Variants in SNAP25 observed in about 807,000 individuals in gnomAD.
SNAP25 encodes the protein synaptosomal-associated protein 25.
A neutral mutation model predicts 28.7 loss-of-function variants in SNAP25; 3 were observed. The observed-to-expected ratio is 0.10, with a 90% CI of 0.05 to 0.27. SNAP25 has a LOEUF of 0.27. SNAP25 is among the 10% of genes least tolerant of loss of function. The pLI is 1.00. For synonymous variants in SNAP25, 61 were observed against 88.1 expected (o/e 0.69, Z 1.72); for missense variants, 117 against 278.7 (o/e 0.42, Z 4.13).
At chr20:10,239,488 C>T (rs2062985933) in intron 1 of SNAP25, among the ~76,000 whole-genome samples, 1 of 152,234 alleles carries the variant, frequency 6.6e-6, no homozygotes, top group African/African-American at 2.4e-5. Context: ...TCTTTTTAAA[C>T]TACAAAGTAG....
intron 2 of SNAP25, among the ~76,000 whole-genome samples, chr20:10,276,802 CA>C (rs1184174860): frequency 6.6e-6 from 1 of 152,138 alleles, no homozygotes; most frequent in Admixed American, 6.6e-5. Context: ...TCCTTTATAT[CA>C]GTAAAATAAT....
At chr20:10,304,360 C>CA (rs1456114262) in intron 7 of SNAP25, among the ~76,000 whole-genome samples, 2 of 152,084 alleles carry the variant, frequency 1.3e-5, no homozygotes, top group Non-Finnish European at 2.9e-5. Context: ...AGGGTGTCAA[C>CA]CCCCATGCAG....
At chr20:10,261,031 A>G (rs1021275719) in intron 1 of SNAP25, among the ~76,000 whole-genome samples, 1 of 152,152 alleles carries the variant, frequency 6.6e-6, no homozygotes, top group Non-Finnish European at 1.5e-5. Context: ...TACAGATTAC[A>G]ACTAATATAC....
At chr20:10,303,893 A>C (rs1464065931) in intron 7 of SNAP25, among the ~76,000 whole-genome samples, 1 of 152,224 alleles carries the variant, frequency 6.6e-6, no homozygotes, top group Non-Finnish European at 1.5e-5. Flanking sequence ...TTACAAAATC[A>C]TAGTAAATGT....
intron 1 of SNAP25, among the ~76,000 whole-genome samples, chr20:10,221,434 G>T (rs1267264870): frequency 1.3e-5 from 2 of 152,034 alleles, no homozygotes; most frequent in African/African-American, 4.8e-5. Context: ...AAAAAAAATC[G>T]AGAAATTTCC....
chr20:10,282,839 A>T (rs10084501), intron 3 of SNAP25, among the ~76,000 whole-genome samples: 2 of 152,352 alleles, frequency 1.3e-5, no homozygotes, highest in South Asian at 4.1e-4. Context: ...AATGCAGAAA[A>T]GAGCAAATAA....
chr20:10,265,523 G>A (rs1217949819), intron 1 of SNAP25, among the ~76,000 whole-genome samples: 1 of 152,122 alleles, frequency 6.6e-6, no homozygotes, highest in Non-Finnish European at 1.5e-5. Context: ...ACAGAACATC[G>A]TCAGTGTGCT....
chr20:10,273,157 A>G (rs1285456561), intron 1 of SNAP25, among the ~76,000 whole-genome samples: 2 of 151,296 alleles, frequency 1.3e-5, no homozygotes, highest in Non-Finnish European at 2.9e-5. Flanking sequence ...TTTTTTTTTC[A>G]TACAGAATTT....
intron 7 of SNAP25, among the ~76,000 whole-genome samples, chr20:10,302,707 C>A (rs1358423286): frequency 6.6e-6 from 1 of 151,322 alleles, no homozygotes; most frequent in Non-Finnish European, 1.5e-5. Context: ...TAAATAAAGT[C>A]CTACAGCATA....
chr20:10,256,725 CA>C (rs1224785127), intron 1 of SNAP25, among the ~76,000 whole-genome samples: 1 of 150,384 alleles, frequency 6.6e-6, no homozygotes, highest in Non-Finnish European at 1.5e-5. Context: ...CTTACAATGG[CA>C]AAAAGAAAGG....
At chr20:10,285,247 T>C (rs1253347256) in intron 4 of SNAP25, among the ~76,000 whole-genome samples, 2 of 152,206 alleles carry the variant, frequency 1.3e-5, no homozygotes, top group Non-Finnish European at 2.9e-5. Flanking sequence ...GAGCTGTTTT[T>C]CACAGAATAT....
rs2123120524 is a variant in SNAP25 at position 10,293,207 on chromosome 20, C to T, written c.210C>T (p.Asp70=). The change falls in exon 5 of 8, where the codon GAC becomes GAT. Residue 70 remains aspartate, a synonymous_variant. Transcript: ENST00000254976. This position sits in a 1 kb window ranked among gnomAD's most constrained non-coding sequence, Gnocchi z 5.6. ...IEEGMDQINK[D]MKEAEKNLTD... ...AAGGGATGGACCAAATCAATAAGGACATGAAAGAAGCAGAAAAGAATTTGA... is the reference window on the plus strand; with the variant it reads ...AAGGGATGGACCAAATCAATAAGGATATGAAAGAAGCAGAAAAGAATTTGA... 3.1e-6 allele frequency: 5 copies of T among 1,614,052 alleles called. No homozygotes were observed. The highest frequency in any genetic ancestry group is 4.2e-6 in the Non-Finnish European group (5 of 1,180,004).
intron 1 of SNAP25, among the ~76,000 whole-genome samples, chr20:10,255,141 C>A (rs1232372407): frequency 1.3e-5 from 2 of 152,142 alleles, no homozygotes; most frequent in Non-Finnish European, 2.9e-5. Flanking sequence ...TTGGAGTTTG[C>A]CAAATCCCAG....
At chr20:10,233,258 A>ACCGTAACCCAGCCAACCGTAAC (rs1568574662) in intron 1 of SNAP25, among the ~76,000 whole-genome samples, 1 of 152,046 alleles carries the variant, frequency 6.6e-6, no homozygotes, top group African/African-American at 2.4e-5. Flanking sequence ...AGCCAAACCA[A>ACCGTAACCCAGCCAACCGTAAC]AGATTCTGTC....
At chr20:10,289,505 T>C (rs916573525) in intron 4 of SNAP25, among the ~76,000 whole-genome samples, 2 of 151,896 alleles carry the variant, frequency 1.3e-5, no homozygotes, top group South Asian at 2.1e-4. Flanking sequence ...AAAAGGTTCA[T>C]GGCACTACAA....
intron 4 of SNAP25, among the ~76,000 whole-genome samples, chr20:10,287,988 A>T (rs973723876): frequency 5.3e-5 from 8 of 151,210 alleles, no homozygotes; most frequent in African/African-American, 2.0e-4. Flanking sequence ...GAAGGGGAAC[A>T]TCACACTCTG....
intron 1 of SNAP25, among the ~76,000 whole-genome samples, chr20:10,268,649 C>T (rs896722470): frequency 6.6e-6 from 1 of 152,166 alleles, no homozygotes; most frequent in African/African-American, 2.4e-5. Context: ...AGCAGGAACG[C>T]ATTTTTACCC....
At chr20:10,263,168 G>A (rs577313061) in intron 1 of SNAP25, among the ~76,000 whole-genome samples, 16 of 151,874 alleles carry the variant, frequency 1.1e-4, no homozygotes, top group East Asian at 1.9e-4. Flanking sequence ...ACAGGCGCCC[G>A]CCACCATGCC....
At chr20:10,287,826 G>A (rs1212632130) in intron 4 of SNAP25, among the ~76,000 whole-genome samples, 2 of 151,982 alleles carry the variant, frequency 1.3e-5, no homozygotes, top group East Asian at 3.9e-4. Flanking sequence ...ATACTATGCA[G>A]CCATAAAAAA....
Sources: gnomAD v4.1 joint callset for allele counts (sites outside exome capture counted in the v4.1 genomes callset) on GRCh38, gnomAD v4.1.1 for gene constraint, Gnocchi (gnomAD v3.1) non-coding constraint, MANE v1.5 for transcripts, NCBI Gene and HGNC (gene_info 2026-07-23, HGNC 2026-07-21) for gene names.